Variants in GATA3 observed in about 807,000 individuals in gnomAD.
GATA3 encodes trans-acting T-cell-specific transcription factor GATA-3.
GATA3 carries 6 observed loss-of-function variants against 36.0 expected under a neutral mutation model. The observed-to-expected ratio is 0.17, with a 90% CI of 0.09 to 0.33. GATA3 has a LOEUF of 0.33. Ranked by LOEUF, GATA3 falls within the 10% of genes least tolerant of loss-of-function variation. GATA3 has a pLI of 1.00. For missense variants in GATA3, 514 were observed against 610.1 expected (o/e 0.84, Z 1.66); for synonymous variants, 326 against 273.0 (o/e 1.19, Z -1.92).
chr10:8,063,041 C>T (rs1018411031), intron 3 of GATA3, among the ~76,000 whole-genome samples: 1 of 152,208 alleles, frequency 6.6e-6, no homozygotes, highest in African/African-American at 2.4e-5. Flanking sequence ...GGAGTGAATG[C>T]TGCTCAGACT....
chr10:8,051,188 T>TG (rs780812618), upstream of GATA3: 1 of 468,688 alleles, frequency 2.1e-6, no homozygotes. Flanking sequence ...GGCATGTGTT[T>TG]GGGGGTGTGT....
At chr10:8,045,736 T>C (rs753712020) in intron 1 of GATA3, among the ~76,000 whole-genome samples, 32 of 152,270 alleles carry the variant, frequency 2.1e-4, no homozygotes, top group Non-Finnish European at 3.7e-4. Flanking sequence ...ATGTCCTCGT[T>C]TGCAGGAAAG....
At chr10:8,063,702 C>T (rs572352170) in intron 3 of GATA3, among the ~76,000 whole-genome samples, 4 of 152,266 alleles carry the variant, frequency 2.6e-5, no homozygotes, top group African/African-American at 4.8e-5. Flanking sequence ...TGGTCCTGCC[C>T]GATCTTCTCC....
chr10:8,069,620 A>G, intron 5 of GATA3, 22 bp downstream of exon 5: 1 of 1,614,024 alleles, frequency 6.2e-7, no homozygotes, highest in Non-Finnish European at 8.5e-7. Flanking sequence ...GGGATCAGCA[A>G]GAACAGGGCT....
At position 8,071,376 on chromosome 10, in the gene GATA3, T is replaced by C. The variant is rs555948235; in HGVS notation, c.1050+1778T>C. ...ACAAAATTGTAACAAATTGTGTGTG[T>C]GTATATTTCATCCCTATATTCGTGG... On this transcript the variant is annotated intron_variant, in intron 5 of 5. Coordinates refer to ENST00000379328, the MANE Select transcript of GATA3 (RefSeq NM_001002295.2). 3.3e-5 allele frequency among the ~76,000 whole-genome samples: 5 copies of C among 152,308 alleles called. No individual in the cohort carries two copies. The East Asian group carries it at 9.6e-4, about 29-fold the overall frequency.
intron 4 of GATA3, among the ~76,000 whole-genome samples, chr10:8,067,812 C>T (rs946623169): frequency 6.0e-5 from 9 of 150,316 alleles, no homozygotes; most frequent in African/African-American, 1.2e-4. Flanking sequence ...AGCGAGACTC[C>T]GTCTCAGAAA....
At chr10:8,070,146 G>A (rs36070965) in intron 5 of GATA3, among the ~76,000 whole-genome samples, 4,949 of 152,246 alleles carry the variant, frequency 0.033, 101 homozygotes, top group South Asian at 0.077. Context: ...GACAGATTTC[G>A]TCTGATGTCT....
intron 5 of GATA3, among the ~76,000 whole-genome samples, chr10:8,071,039 A>G (rs1005101947): frequency 2.0e-5 from 3 of 152,246 alleles, no homozygotes; most frequent in Non-Finnish European, 4.4e-5. Flanking sequence ...TTAGCTATCC[A>G]GTCATCAGCA....
upstream of GATA3, chr10:8,051,188 TG>T (rs780812618): frequency 2.1e-6 from 1 of 468,680 alleles, no homozygotes; most frequent in South Asian, 1.6e-5. Flanking sequence ...GGCATGTGTT[TG>T]GGGGTGTGTG....
At chr10:8,051,131 A>AGG, upstream of GATA3, 1 of 384,816 alleles carries the variant, frequency 2.6e-6, no homozygotes, top group Non-Finnish European at 5.2e-6. Context: ...CCACTGGGAC[A>AGG]GGGTCTCTTC....
chr10:8,069,930 G>A (rs762806739), intron 5 of GATA3, among the ~76,000 whole-genome samples: 4 of 152,020 alleles, frequency 2.6e-5, no homozygotes, highest in South Asian at 2.1e-4. Flanking sequence ...AAAAGCCACC[G>A]GTCCTATTTT....
intron 3 of GATA3, among the ~76,000 whole-genome samples, chr10:8,059,581 AG>A (rs751054689): frequency 6.6e-6 from 1 of 152,222 alleles, no homozygotes; most frequent in Non-Finnish European, 1.5e-5. Flanking sequence ...GCTGAGCTGC[AG>A]CCAGAGGAGG....
intron 3 of GATA3, 29 bp from the exon 4 acceptor site, chr10:8,063,964 A>G (rs764947736): frequency 6.2e-7 from 1 of 1,614,154 alleles, no homozygotes; most frequent in Non-Finnish European, 8.5e-7. Context: ...TTCCTTCCCT[A>G]AGTGGCTTAT....
chr10:8,058,983 CG>C (rs1832703059), intron 3 of GATA3, 142 bp downstream of exon 3: 2 of 762,972 alleles, frequency 2.6e-6, no homozygotes, highest in Non-Finnish European at 4.2e-6. Context: ...TTCTTCCTGC[CG>C]GGAAGGCACT....
intron 3 of GATA3, among the ~76,000 whole-genome samples, chr10:8,063,589 T>G (rs1177228516): frequency 6.6e-6 from 1 of 152,218 alleles, no homozygotes; most frequent in African/African-American, 2.4e-5. Context: ...TGTCTTCCTT[T>G]TTTTCCTTTG....
At chr10:8,047,458 C>G (rs1832405035) in intron 1 of GATA3, among the ~76,000 whole-genome samples, 1 of 152,252 alleles carries the variant, frequency 6.6e-6, no homozygotes, top group Non-Finnish European at 1.5e-5. Flanking sequence ...GCATTCTTCT[C>G]CTGGTATATC....
intron 4 of GATA3, among the ~76,000 whole-genome samples, chr10:8,067,265 C>G (rs1488876039): frequency 6.6e-6 from 1 of 152,182 alleles, no homozygotes; most frequent in East Asian, 1.9e-4. Flanking sequence ...AAAAGACTCC[C>G]ATCTTCTCCC....
intron 1 of GATA3, among the ~76,000 whole-genome samples, chr10:8,047,442 A>C (rs533915539): frequency 1.2e-4 from 19 of 152,374 alleles, no homozygotes; most frequent in African/African-American, 3.8e-4. Flanking sequence ...TTTTACACAT[A>C]AATGTGCATT....
At position 8,074,288 on chromosome 10, in the gene GATA3, A is replaced by AAT. The variant is rs1554797054; in HGVS notation, c.*265_*266insAT. On this transcript the variant is annotated 3_prime_UTR_variant, in exon 6 of 6. Coordinates refer to ENST00000379328, the MANE Select transcript of GATA3 (RefSeq NM_001002295.2). ...GGTCTCTAGTGCTGTGAAAAAAAAA[A>AAT]TGCTGAACATTGCATATAACTTATA... is the stretch of plus-strand genomic sequence containing the variant. 2 of 505,824 alleles carry AAT rather than the reference A, an allele frequency of 4.0e-6. No homozygotes were observed. The highest frequency in any genetic ancestry group is 3.5e-6 in the Non-Finnish European group (1 of 286,252). 31.3% of individuals were successfully genotyped at this position (505,824 alleles called of 1,614,324 possible). A position where few individuals can be genotyped will look rare whatever the true frequency, so the allele number is the denominator to read the frequency against.
Sources: allele counts gnomAD v4.1 joint callset (sites outside exome capture counted in the v4.1 genomes callset), GRCh38; gene constraint gnomAD v4.1.1; transcripts MANE v1.5; gene names NCBI Gene and HGNC (gene_info 2026-07-23, HGNC 2026-07-21).